Variants in HTR1F observed in about 807,000 individuals in gnomAD.
HTR1F encodes the protein 5-hydroxytryptamine (serotonin) receptor 1F, G protein-coupled.
In HTR1F, 17 loss-of-function variants were observed where a neutral mutation model predicts 24.0. The observed-to-expected ratio is 0.71, with a 90% confidence interval of 0.48 to 1.06. The LOEUF (loss-of-function observed/expected upper bound fraction) is 1.06. Among genes scored for constraint, HTR1F ranks in the 50% least tolerant of loss-of-function variants. The probability of loss-of-function intolerance (pLI) is 0.00; values close to 1 mark genes in which losing one functional copy is unlikely to be tolerated. For synonymous variants in HTR1F, 186 were observed against 156.8 expected (o/e 1.19, Z -1.39); for missense variants, 391 against 427.8 (o/e 0.91, Z 0.76).
chr3:87,876,855 C>T (rs1442953207), intron 2 of HTR1F, among the ~76,000 whole-genome samples: 4 of 152,056 alleles, frequency 2.6e-5, no homozygotes, highest in South Asian at 2.1e-4. Context: ...CATTCCCCTC[C>T]TTTTCATTAA....
At chr3:87,861,183 A>G (rs991731161) in intron 2 of HTR1F, among the ~76,000 whole-genome samples, 1 of 152,134 alleles carries the variant, frequency 6.6e-6, no homozygotes, top group African/African-American at 2.4e-5. Context: ...TATTATTATC[A>G]AATAGGAAAC....
intron 1 of HTR1F, among the ~76,000 whole-genome samples, chr3:87,813,007 G>A (rs1704186289): frequency 6.6e-6 from 1 of 152,238 alleles, no homozygotes; most frequent in Admixed American, 6.5e-5. Context: ...CAGGGGTAGG[G>A]CCCTCATGGA....
chr3:87,899,347 C>T (rs374120535), intron 2 of HTR1F, among the ~76,000 whole-genome samples: 17 of 152,160 alleles, frequency 1.1e-4, no homozygotes, highest in African/African-American at 4.1e-4. Flanking sequence ...TTCATTAAAA[C>T]AGCTTTTTAG....
At chr3:87,989,198 G>A (rs1705747858) in intron 2 of HTR1F, among the ~76,000 whole-genome samples, 1 of 152,078 alleles carries the variant, frequency 6.6e-6, no homozygotes, top group African/African-American at 2.4e-5. Flanking sequence ...GTTCTTAATT[G>A]ACTTGTAATT....
At chr3:87,983,383 T>C (rs1457255363) in intron 2 of HTR1F, among the ~76,000 whole-genome samples, 1 of 152,194 alleles carries the variant, frequency 6.6e-6, no homozygotes, top group Admixed American at 6.5e-5. Context: ...TAAGCAGGTC[T>C]TCACTGATAC....
chr3:87,852,241 AT>A (rs912094056), intron 2 of HTR1F, among the ~76,000 whole-genome samples: 2 of 151,502 alleles, frequency 1.3e-5, no homozygotes, highest in South Asian at 2.1e-4. Context: ...TTTGTTAACT[AT>A]TTTTTATTGG....
intron 2 of HTR1F, among the ~76,000 whole-genome samples, chr3:87,919,038 A>C (rs1372810001): frequency 6.6e-6 from 1 of 152,156 alleles, no homozygotes; most frequent in East Asian, 1.9e-4. Flanking sequence ...ACATAGACCA[A>C]TGGAACAGAA....
intron 2 of HTR1F, among the ~76,000 whole-genome samples, chr3:87,931,374 G>A (rs1413175653): frequency 2.0e-5 from 3 of 152,154 alleles, no homozygotes; most frequent in Non-Finnish European, 4.4e-5. Flanking sequence ...CAAAGGACGT[G>A]AACTCATCAT....
At chr3:87,908,784 C>G (rs1703717854) in intron 2 of HTR1F, among the ~76,000 whole-genome samples, 1 of 151,982 alleles carries the variant, frequency 6.6e-6, no homozygotes, top group African/African-American at 2.4e-5. Context: ...TCATCTGTTT[C>G]TTAAAGAAAC....
At chr3:87,863,701 T>C (rs1249342884) in intron 2 of HTR1F, among the ~76,000 whole-genome samples, 1 of 152,228 alleles carries the variant, frequency 6.6e-6, no homozygotes. Context: ...TTTCATATAT[T>C]GCCCAATTCC....
intron 2 of HTR1F, among the ~76,000 whole-genome samples, chr3:87,835,863 G>C (rs1704672574): frequency 6.6e-6 from 1 of 151,956 alleles, no homozygotes; most frequent in African/African-American, 2.4e-5. Context: ...GTACCCTCTG[G>C]GTCTGCACAT....
intron 2 of HTR1F, among the ~76,000 whole-genome samples, chr3:87,826,030 T>TA (rs1179130694): frequency 2.0e-5 from 3 of 152,208 alleles, no homozygotes; most frequent in Non-Finnish European, 4.4e-5. Flanking sequence ...TCATGTGTAT[T>TA]AAAAAATATT....
At chr3:87,865,511 A>G (rs1275540186) in intron 2 of HTR1F, among the ~76,000 whole-genome samples, 1 of 146,784 alleles carries the variant, frequency 6.8e-6, no homozygotes, top group Non-Finnish European at 1.5e-5. Context: ...ATCTTGACTG[A>G]CTGTTACCAT....
At chr3:87,908,506 A>G (rs1703711724) in intron 2 of HTR1F, among the ~76,000 whole-genome samples, 1 of 152,038 alleles carries the variant, frequency 6.6e-6, no homozygotes, top group South Asian at 2.1e-4. Flanking sequence ...TCATAGTAAT[A>G]TAATTAGTTT....
At chr3:87,819,872 CTATT>C (rs542878800) in intron 1 of HTR1F, among the ~76,000 whole-genome samples, 178 of 151,990 alleles carry the variant, frequency 1.2e-3, no homozygotes, top group Admixed American at 4.1e-3. Flanking sequence ...AAACTACAAA[CTATT>C]TAAGTACAAT....
At chr3:87,921,531 G>T (rs1270927721) in intron 2 of HTR1F, among the ~76,000 whole-genome samples, 1 of 151,752 alleles carries the variant, frequency 6.6e-6, no homozygotes, top group African/African-American at 2.4e-5. Flanking sequence ...TCAAATCAAG[G>T]TAATTAACAT....
intron 2 of HTR1F, among the ~76,000 whole-genome samples, chr3:87,974,556 C>A (rs1284865986): frequency 4.0e-5 from 2 of 50,054 alleles, no homozygotes; most frequent in Non-Finnish European, 1.3e-4. Flanking sequence ...AGATGCCTGG[C>A]AATCTTTTTT....
At chr3:87,849,507 A>G (rs1041299265) in intron 2 of HTR1F, among the ~76,000 whole-genome samples, 1 of 152,088 alleles carries the variant, frequency 6.6e-6, no homozygotes, top group South Asian at 2.1e-4. Flanking sequence ...TAAAAACCCT[A>G]TAAGAAAATC....
chr3:87,846,361 G>A (rs969620894), intron 2 of HTR1F, among the ~76,000 whole-genome samples: 4 of 151,798 alleles, frequency 2.6e-5, no homozygotes, highest in Admixed American at 6.6e-5. Flanking sequence ...TTGAACCTGG[G>A]AGGCAGAGGT....
Sources: gnomAD v4.1 joint callset for allele counts (sites outside exome capture counted in the v4.1 genomes callset) on GRCh38, gnomAD v4.1.1 for gene constraint, MANE v1.5 for transcripts, NCBI Gene and HGNC (gene_info 2026-07-23, HGNC 2026-07-21) for gene names.